The following FRMPD4 variants were observed in gnomAD, a reference collection of about 807,000 sequenced individuals.
FRMPD4 encodes FERM and PDZ domain-containing protein 4.
FRMPD4 carries 22 observed loss-of-function variants against 94.1 expected under a neutral mutation model. That is an observed-to-expected ratio of 0.23 (90% CI 0.17 to 0.33). The LOEUF (loss-of-function observed/expected upper bound fraction) is 0.33. FRMPD4 is among the 10% of genes least tolerant of loss of function. The pLI, the probability that FRMPD4 is intolerant of heterozygous loss-of-function variation, is 1.00. For synonymous variants in FRMPD4, 631 were observed against 548.6 expected (o/e 1.15, Z -2.10); for missense variants, 1,111 against 1,339.9 (o/e 0.83, Z 2.67).
rs112712116 is a variant in FRMPD4 at position 11,956,528 on chromosome X, C to T, written c.95+78510C>T. On this transcript the variant is annotated intron_variant, in intron 3 of 18. Coordinates refer to the FRMPD4 transcript ENST00000640291. Reference sequence around the variant, plus strand: ...GAGTTAGGTTAATCCTTAGTAGATTCGGGATCCTATAGTCCCATGATAAAT... The same window carrying T: ...GAGTTAGGTTAATCCTTAGTAGATTTGGGATCCTATAGTCCCATGATAAAT... Among the ~76,000 whole-genome samples the T allele has an allele frequency of 6.3e-5, 7 of 111,381 alleles. No individual in the cohort carries two copies. The South Asian group carries it at 1.5e-3, about 24-fold the overall frequency.
intron 9 of FRMPD4, 81 bp from the exon 10 acceptor site, chrX:12,701,793 A>AAT (rs771448398): frequency 7.8e-6 from 8 of 1,026,493 alleles, no homozygotes; most frequent in Non-Finnish European, 1.1e-5. Context: ...TCACTCGGGA[A>AAT]ATGTATGTCA....
intron 4 of FRMPD4, among the ~76,000 whole-genome samples, chrX:12,673,473 T>TG (rs947512384): frequency 3.6e-5 from 4 of 111,678 alleles, no homozygotes; most frequent in Non-Finnish European, 7.5e-5. Flanking sequence ...GCAGAATTTT[T>TG]GGGGGGATAT....
intron 1 of FRMPD4, among the ~76,000 whole-genome samples, chrX:12,361,110 A>C (rs997563318): frequency 8.9e-6 from 1 of 111,980 alleles, no homozygotes; most frequent in African/African-American, 3.2e-5. Flanking sequence ...TGAAAAAACA[A>C]TGAGTCAATG....
At chrX:12,576,076 C>A (rs1297531746) in intron 2 of FRMPD4, among the ~76,000 whole-genome samples, 1 of 112,099 alleles carries the variant, frequency 8.9e-6, no homozygotes, top group Non-Finnish European at 1.9e-5. Flanking sequence ...GGACTGACCC[C>A]AGGGTAAGGG....
At chrX:12,155,091 G>A (rs1191049781) in intron 1 of FRMPD4, among the ~76,000 whole-genome samples, 1 of 112,164 alleles carries the variant, frequency 8.9e-6, no homozygotes, top group East Asian at 2.8e-4. Flanking sequence ...GCAATGAAAT[G>A]GTCTTCTCTG....
At chrX:11,948,850 A>C (rs1232481071) in intron 3 of FRMPD4, among the ~76,000 whole-genome samples, 1 of 112,125 alleles carries the variant, frequency 8.9e-6, no homozygotes, top group African/African-American at 3.2e-5. Context: ...CTGACTCATA[A>C]ATCCTGGTAT....
intron 1 of FRMPD4, among the ~76,000 whole-genome samples, chrX:12,232,623 T>C (rs1303068103): frequency 9.0e-6 from 1 of 111,341 alleles, no homozygotes; most frequent in Non-Finnish European, 1.9e-5. Context: ...AGAGATTAGA[T>C]TGGCAAAACC....
chrX:12,363,194 G>T (rs1200230641), intron 1 of FRMPD4, among the ~76,000 whole-genome samples: 2 of 112,283 alleles, frequency 1.8e-5, no homozygotes, highest in African/African-American at 6.5e-5. Flanking sequence ...TTGCTGTGCA[G>T]AAGCTCTTTA....
chrX:12,704,513 T>G, intron 11 of FRMPD4, 28 bp downstream of exon 11: 1 of 1,039,665 alleles, frequency 9.6e-7, no homozygotes, highest in South Asian at 2.3e-5. Context: ...TAAAAGAAAA[T>G]TATAAAGAGA....
chrX:12,201,070 T>A (rs927642408), intron 1 of FRMPD4, among the ~76,000 whole-genome samples: 66 of 112,128 alleles, frequency 5.9e-4, no homozygotes, highest in African/African-American at 2.1e-3. Flanking sequence ...ATCAGATCAC[T>A]TGGAAGGATG....
intron 1 of FRMPD4, among the ~76,000 whole-genome samples, chrX:12,146,892 A>G (rs2055776596): frequency 8.9e-6 from 1 of 112,133 alleles, no homozygotes; most frequent in Non-Finnish European, 1.9e-5. Context: ...TCAGTATGCT[A>G]TCGAAGGTTT....
chrX:12,333,203 T>C (rs950925522), intron 1 of FRMPD4, among the ~76,000 whole-genome samples: 3 of 112,255 alleles, frequency 2.7e-5, no homozygotes, highest in Non-Finnish European at 5.6e-5. Context: ...GCACAAACTC[T>C]AGAAATGGGC....
chrX:12,096,466 T>C (rs974632039), intron 3 of FRMPD4, among the ~76,000 whole-genome samples: 38 of 112,053 alleles, frequency 3.4e-4, no homozygotes, highest in African/African-American at 1.1e-3. Context: ...ATATATTTTC[T>C]ACTCCCCCCT....
chrX:12,301,605 C>T (rs1411157402), intron 1 of FRMPD4, among the ~76,000 whole-genome samples: 3 of 112,187 alleles, frequency 2.7e-5, no homozygotes, highest in African/African-American at 9.7e-5. Context: ...TTTCTATGTT[C>T]CTTTGACATT....
intron 1 of FRMPD4, chrX:12,341,736 T>C (rs961078910): frequency 1.5e-5 from 4 of 261,785 alleles, no homozygotes; most frequent in Non-Finnish European, 3.0e-5. Flanking sequence ...GTTATGACTC[T>C]TCCACAAATT....
intron 3 of FRMPD4, among the ~76,000 whole-genome samples, chrX:11,975,029 A>C (rs139746170): frequency 1.7e-3 from 190 of 112,023 alleles, no homozygotes; most frequent in African/African-American, 5.9e-3. Context: ...GGTCAGCTTA[A>C]GTCAAAAGGG....
chrX:12,246,606 A>G (rs961490920), intron 1 of FRMPD4, among the ~76,000 whole-genome samples: 5 of 111,334 alleles, frequency 4.5e-5, no homozygotes, highest in African/African-American at 1.6e-4. Context: ...CTGTTGAACC[A>G]CTTAGAGTCA....
chrX:12,012,375 T>G (rs189057548), intron 3 of FRMPD4, among the ~76,000 whole-genome samples: 1 of 112,114 alleles, frequency 8.9e-6, no homozygotes, highest in African/African-American at 3.2e-5. Flanking sequence ...GTAGACATCC[T>G]TTACCAGGTT....
chrX:12,003,484 G>T (rs2054534964), intron 3 of FRMPD4, among the ~76,000 whole-genome samples: 1 of 110,871 alleles, frequency 9.0e-6, no homozygotes, highest in Non-Finnish European at 1.9e-5. Context: ...CACAATCTTG[G>T]TTCACTGTAA....
Sources: gnomAD v4.1 joint callset for allele counts (sites outside exome capture counted in the v4.1 genomes callset) on GRCh38, gnomAD v4.1.1 for gene constraint, MANE v1.5 for transcripts, NCBI Gene and HGNC (gene_info 2026-07-23, HGNC 2026-07-21) for gene names.